MEGF8: variants seen among roughly 807,000 people sequenced by gnomAD.
The protein encoded by MEGF8 is multiple EGF like domains 8.
MEGF8 carries 156 observed loss-of-function variants against 302.9 expected under a neutral mutation model. The ratio of observed to expected loss-of-function variants is 0.52; its 90% confidence interval spans 0.45 to 0.59. The LOEUF (loss-of-function observed/expected upper bound fraction) is 0.59. Ranked by LOEUF, MEGF8 falls within the 20% of genes least tolerant of loss-of-function variation. The pLI is 0.00. For synonymous variants in MEGF8, 1,621 were observed against 1,660.5 expected (o/e 0.98, Z 0.58); for missense variants, 3,345 against 3,964.5 (o/e 0.84, Z 4.20).
At position 42,362,084 on chromosome 19, in the gene MEGF8, C is replaced by A. The variant is rs1294676337; in HGVS notation, c.5721-6C>A. 1.9e-6 allele frequency: 3 copies of A among 1,611,788 alleles called. No homozygotes were observed. Among genetic ancestry groups the A allele is most frequent in the Non-Finnish European group, 2.5e-6 (3 of 1,179,356 alleles). On this transcript the variant is annotated splice_region_variant and splice_polypyrimidine_tract_variant and intron_variant, in intron 32 of 41. Transcript: ENST00000251268. ...GTGTGAGTGAGCCAGGCCTCATGTC[C>A]TTTAGGCTGGGCTGCGGGGGCTCCC... is the stretch of plus-strand genomic sequence containing the variant.
chr19:42,351,696 C>T lies in MEGF8; in HGVS notation c.3036C>T (p.Cys1012=). Residue 1012 remains cysteine (C), a synonymous_variant, in exon 18 of 42, where the codon TGC becomes TGT. Transcript: ENST00000251268. The surrounding 1 kb of genome is among the most constrained non-coding windows in gnomAD (Gnocchi z 5.6). ...RCRSCDGFLT[C]HECLQSHECG... ...GGAGCTGCGATGGCTTCCTGACCTG[C>T]CATGAGTGTCTGCAGAGCCACGAGT... The T allele has an allele frequency of 1.3e-6, 2 of 1,595,642 alleles. No individual in the cohort carries two copies. Among genetic ancestry groups the T allele is most frequent in the African/African-American group, 1.3e-5 (1 of 74,596 alleles).
intron 41 of MEGF8, among the ~76,000 whole-genome samples, chr19:42,374,970 C>G (rs1284771425): frequency 6.6e-6 from 1 of 152,158 alleles, no homozygotes; most frequent in African/African-American, 2.4e-5. Context: ...GGCAGAGGGT[C>G]CGCCAGTGCA....
In MEGF8 at chr19:42,368,908, G is replaced by T. The variant is rs536792549; in HGVS notation, c.6547G>T (p.Ala2183Ser). 1 of 1,613,902 alleles carries T rather than the reference G, an allele frequency of 6.2e-7. No homozygotes were observed. The highest frequency in any genetic ancestry group is 1.1e-5 in the South Asian group (1 of 91,086). Residue 2183 changes from alanine (A) to serine (S), a missense_variant, in exon 37 of 42, where the codon GCA becomes TCA. Ala to Ser is a moderately conservative substitution (Grantham distance 99). Coordinates refer to ENST00000251268, the MANE Select transcript of MEGF8 (RefSeq NM_001271938.2). The surrounding 1 kb of genome is among the most constrained non-coding windows in gnomAD (Gnocchi z 4.9). Reference sequence around the variant, plus strand: ...GTCCTGCCCCCCTGAGGACGAGTGTGCAAACGGGCACCACGACTGCAACGA... The same window carrying T: ...GTCCTGCCCCCCTGAGGACGAGTGTTCAAACGGGCACCACGACTGCAACGA... ...FLSCPPEDECANGHHDCNETQ... is the reference protein window; with the variant it reads ...FLSCPPEDECSNGHHDCNETQ...
Position 42,344,450 on chromosome 19 carries a change from G to A in MEGF8, c.1798G>A (p.Ala600Thr), listed in dbSNP as rs779285900. The A allele has an allele frequency of 1.9e-5, 31 of 1,590,752 alleles. No individual in the cohort carries two copies. The highest frequency in any genetic ancestry group is 5.1e-5 in the Admixed American group (3 of 59,112). ...CCTCTCCTCCTCGCAGTGTCCAGCC[G>A]CCAGCTGCCTGGGCCTGGGCCGCCT... ...PGTPLGACPAASCLGLGRLLG... is the reference protein window; with the variant it reads ...PGTPLGACPATSCLGLGRLLG... Residue 600 changes from alanine (A) to threonine (T), a missense_variant, in exon 11 of 42, where the codon GCC (alanine) becomes ACC (threonine). By Grantham distance (58) the Ala-to-Thr change is moderately conservative (BLOSUM62 0). Transcript: ENST00000251268. This position sits in a 1 kb window ranked among gnomAD's most constrained non-coding sequence, Gnocchi z 4.5.
At chr19:42,367,049 C>G (rs1230198709) in intron 35 of MEGF8, among the ~76,000 whole-genome samples, 1 of 152,166 alleles carries the variant, frequency 6.6e-6, no homozygotes, top group Admixed American at 6.5e-5. Context: ...CCAAATTAAC[C>G]TCTTTCCTCT....
Position 42,326,082 on chromosome 19 carries a change from C to CGTACCCTTCGCCGGGACT in MEGF8, c.-160_-143dup. The CGTACCCTTCGCCGGGACT allele has an allele frequency of 8.3e-7, 1 of 1,202,550 alleles. No individual in the cohort carries two copies. Among genetic ancestry groups the CGTACCCTTCGCCGGGACT allele is most frequent in the Non-Finnish European group, 1.1e-6 (1 of 918,248 alleles). The allele number at this position is 1,202,550 out of a possible 1,614,324, so 74.5% of individuals were successfully genotyped here. Reference sequence around the variant, plus strand: ...GCTTCCAGAGCCTGTCAGCAGTGGCCGTACCCTTCGCCGGGACTGCCGGGT... The same window carrying CGTACCCTTCGCCGGGACT: ...GCTTCCAGAGCCTGTCAGCAGTGGCCGTACCCTTCGCCGGGACTGTACCCTTCGCCGGGACTGCCGGGT... On this transcript the variant is annotated 5_prime_UTR_variant, in exon 1 of 42. Coordinates refer to ENST00000251268, the MANE Select transcript of MEGF8 (RefSeq NM_001271938.2).
At position 42,356,532 on chromosome 19, in the gene MEGF8, T is replaced by G; in HGVS notation, c.4622+79T>G. The G allele has an allele frequency of 8.3e-7, 1 of 1,197,978 alleles. No individual in the cohort carries two copies. Among genetic ancestry groups the G allele is most frequent in the Non-Finnish European group, 1.1e-6 (1 of 871,754 alleles). The allele number at this position is 1,197,978 out of a possible 1,614,324, so 74.2% of individuals were successfully genotyped here. ...GATGCTAAGAGTCACCTCAGAGGAG[T>G]GCAGAAAAGCCTCTAAGGTAAAGGA... On this transcript the variant is annotated intron_variant, in intron 26 of 41. Transcript: ENST00000251268. This position sits in a 1 kb window ranked among gnomAD's most constrained non-coding sequence, Gnocchi z 5.2.
At position 42,370,410 on chromosome 19, in the gene MEGF8, G is replaced by A. The variant is rs973793193; in HGVS notation, c.7005+51G>A. On this transcript the variant is annotated intron_variant, in intron 39 of 41. Coordinates refer to ENST00000251268, the MANE Select transcript of MEGF8 (RefSeq NM_001271938.2). ...GGTCTGAGGGAGGAGGGGCTGGGGA[G>A]CTCCTGGGTCTGAGGGAGGAGGGGG... 6.8e-6 allele frequency: 10 copies of A among 1,466,256 alleles called. No homozygotes were observed. In the African/African-American group the frequency reaches 8.5e-5, roughly 12 times the overall value. 90.8% of individuals were successfully genotyped at this position (1,466,256 alleles called of 1,614,324 possible). A position where few individuals can be genotyped will look rare whatever the true frequency, so the allele number is the denominator to read the frequency against.
At chr19:42,331,010 CA>C (rs1046793144) in intron 1 of MEGF8, among the ~76,000 whole-genome samples, 1 of 151,928 alleles carries the variant, frequency 6.6e-6, no homozygotes, top group Admixed American at 6.6e-5. Flanking sequence ...GGCTTTGGGG[CA>C]GGGGAGGGAC....
At chr19:42,349,435 A>G (rs748334107) in intron 13 of MEGF8, 64 bp from the exon 14 acceptor site, 5 of 1,453,182 alleles carry the variant, frequency 3.4e-6, no homozygotes, top group Non-Finnish European at 3.7e-6. Flanking sequence ...TGGAGGTATC[A>G]GGGGTCTGAG....
rs141413149 is a variant in MEGF8, at chr19:42,363,133, G to A, written c.6144G>A (p.Pro2048=). 30 of 1,612,816 alleles carry A rather than the reference G, an allele frequency of 1.9e-5. No individual in the cohort carries two copies. In the African/African-American group the frequency reaches 2.3e-4, roughly 12 times the overall value. The change falls in exon 35 of 42, where the codon CCG becomes CCA. Residue 2048 remains proline, a synonymous_variant. Transcript: ENST00000251268. ...CTCTGCTGAATGTGTCCCCCATGCC[G>A]GTGGAATCATCACCCCCACTGCCCT... is the stretch of plus-strand genomic sequence containing the variant. ...SHSLLNVSPM[P]VESSPPLPCP...
Position 42,368,602 on chromosome 19 carries a change from T to G in MEGF8, c.6421T>G (p.Trp2141Gly). Residue 2141 changes from tryptophan to glycine, a missense_variant, in exon 36 of 42, where the codon TGG becomes GGG. Physicochemically the swap from Trp to Gly is radical, Grantham distance 184 (BLOSUM62 -2). Coordinates refer to ENST00000251268, the MANE Select transcript of MEGF8 (RefSeq NM_001271938.2). This position sits in a 1 kb window ranked among gnomAD's most constrained non-coding sequence, Gnocchi z 4.9. The stretch of plus-strand genomic sequence containing the variant: ...GCGCCCCCATTGCGGCTGGTGTGCC[T>G]GGGGGGGCCAGGATGGGGGTGGCCG... The part of the protein sequence containing the change: ...LRRPHCGWCA[W>G]GGQDGGGRCM... 1.3e-6 allele frequency: 2 copies of G among 1,572,714 alleles called. No individual in the cohort carries two copies. Among genetic ancestry groups the G allele is most frequent in the Non-Finnish European group, 1.7e-6 (2 of 1,159,906 alleles).
Position 42,356,819 on chromosome 19 carries a change from C to T in MEGF8, c.4668C>T (p.Ala1556=), listed in dbSNP as rs1318710492. 6 of 1,557,448 alleles carry T rather than the reference C, an allele frequency of 3.9e-6. No homozygotes were observed. In the Admixed American group the frequency reaches 7.7e-5, roughly 20 times the overall value. ...GGTGGACACAGATGCTGGCGGGAGC[C>T]GAGGACGGGGGCCCAGGCCCATCGC... The part of the protein sequence containing the change: ...ERRWTQMLAG[A]EDGGPGPSPR... The change falls in exon 27 of 42, where the codon GCC becomes GCT. Residue 1556 remains alanine (A), a synonymous_variant. Coordinates refer to ENST00000251268, the MANE Select transcript of MEGF8 (RefSeq NM_001271938.2). This position sits in a 1 kb window ranked among gnomAD's most constrained non-coding sequence, Gnocchi z 5.2.
intron 1 of MEGF8, among the ~76,000 whole-genome samples, chr19:42,327,089 A>G (rs1200057878): frequency 2.6e-5 from 4 of 152,234 alleles, no homozygotes; most frequent in Admixed American, 6.5e-5. Flanking sequence ...GGATAACAAC[A>G]GTACTCACCT....
At position 42,336,725 on chromosome 19, in the gene MEGF8, T is replaced by A; in HGVS notation, c.1245-82T>A. The A allele has an allele frequency of 2.0e-6, 3 of 1,506,544 alleles. No individual in the cohort carries two copies. The highest frequency in any genetic ancestry group is 2.7e-6 in the Non-Finnish European group (3 of 1,127,246). The allele number at this position is 1,506,544 out of a possible 1,614,324, so 93.3% of individuals were successfully genotyped here. A position where few individuals can be genotyped will look rare whatever the true frequency, so the allele number is the denominator to read the frequency against. ...AGTCATGGCCAGTCTCATCCCTGGGTGATCACATGGCTCCTAAGAGCCTGG... is the reference window on the plus strand; with the variant it reads ...AGTCATGGCCAGTCTCATCCCTGGGAGATCACATGGCTCCTAAGAGCCTGG... On this transcript the variant is annotated intron_variant, in intron 6 of 41. Coordinates refer to ENST00000251268, the MANE Select transcript of MEGF8 (RefSeq NM_001271938.2). This position sits in a 1 kb window ranked among gnomAD's most constrained non-coding sequence, Gnocchi z 4.8.
In MEGF8 at chr19:42,336,487, C is replaced by T; in HGVS notation, c.1244+141C>T. The T allele has an allele frequency of 5.5e-6, 5 of 915,782 alleles. No homozygotes were observed. Among genetic ancestry groups the T allele is most frequent in the Non-Finnish European group, 7.9e-6 (5 of 629,100 alleles). 56.7% of individuals were successfully genotyped at this position (915,782 alleles called of 1,614,324 possible). A position where few individuals can be genotyped will look rare whatever the true frequency, so the allele number is the denominator to read the frequency against. On this transcript the variant is annotated intron_variant, in intron 6 of 41. Transcript: ENST00000251268. The surrounding 1 kb of genome is among the most constrained non-coding windows in gnomAD (Gnocchi z 4.8). ...TCCTTCCTTCATGTATTTACTTATT[C>T]CTTCGTTCACTCATTCATTCATTCA...
At chr19:42,329,646 G>A (rs1039793736) in intron 1 of MEGF8, among the ~76,000 whole-genome samples, 14 of 152,158 alleles carry the variant, frequency 9.2e-5, no homozygotes, top group Admixed American at 3.3e-4. Flanking sequence ...AGGATTACTC[G>A]AGCCCAGGAG....
At chr19:42,371,567 G>T in intron 41 of MEGF8, 85 bp downstream of exon 41, 1 of 1,564,634 alleles carries the variant, frequency 6.4e-7, no homozygotes, top group South Asian at 1.1e-5. Flanking sequence ...GGCTCGGGCA[G>T]GACTGACAAC....
chr19:42,371,689 TG>T (rs959476102), intron 41 of MEGF8, among the ~76,000 whole-genome samples: 3 of 152,142 alleles, frequency 2.0e-5, no homozygotes, highest in African/African-American at 7.2e-5. Flanking sequence ...TATGAGCCTC[TG>T]GGGGACTCTC....
Sources: gnomAD v4.1 joint callset for allele counts (sites outside exome capture counted in the v4.1 genomes callset) on GRCh38, gnomAD v4.1.1 for gene constraint, Gnocchi (gnomAD v3.1) non-coding constraint, MANE v1.5 for transcripts, NCBI Gene and HGNC (gene_info 2026-07-23, HGNC 2026-07-21) for gene names.